PRUNE2: variants seen among roughly 807,000 people sequenced by gnomAD.
PRUNE2 encodes the protein protein prune homolog 2.
PRUNE2 carries 164 observed loss-of-function variants against 252.0 expected under a neutral mutation model. That is an observed-to-expected ratio of 0.65 (90% confidence interval 0.57 to 0.74). PRUNE2 has a LOEUF of 0.74. PRUNE2 is among the 30% of genes least tolerant of loss of function. The pLI is 0.00. For synonymous variants in PRUNE2, 1,292 were observed against 1,350.2 expected, an observed-to-expected ratio of 0.96 and a Z score of 0.94; for missense variants, 3,495 against 3,711.0, an observed-to-expected ratio of 0.94 and a Z score of 1.51.
At chr9:76,853,647 C>T (rs1186318532) in intron 2 of PRUNE2, among the ~76,000 whole-genome samples, 1 of 152,182 alleles carries the variant, frequency 6.6e-6, no homozygotes, top group Non-Finnish European at 1.5e-5. Flanking sequence ...ACATGTAATA[C>T]TCGTCACTGA....
chr9:76,706,140 C>G lies in PRUNE2; in HGVS notation c.6134G>C (p.Arg2045Pro). 6.2e-7 allele frequency: 1 copy of G among 1,613,954 alleles called. No individual in the cohort carries two copies. Among genetic ancestry groups the G allele is most frequent in the Non-Finnish European group, 8.5e-7 (1 of 1,179,868 alleles). Residue 2045 changes from arginine (R) to proline (P), a missense_variant, in exon 8 of 19, where the codon CGA becomes CCA. Transcript: ENST00000376718. ...TAAAATATCTGGCACAAAGGTACCT[C>G]GGGAGTCCTCACTTGGGGTAGAGCC... Reference protein sequence around the residue: ...WDGSTPSEDSRGTFVPDILHG... With the variant: ...WDGSTPSEDSPGTFVPDILHG...
chr9:76,797,038 T>TAC (rs1554774313), intron 6 of PRUNE2, among the ~76,000 whole-genome samples: 20 of 151,758 alleles, frequency 1.3e-4, no homozygotes, highest in African/African-American at 2.4e-4. Context: ...CACTCACACA[T>TAC]ACACACACAC....
chr9:76,680,101 A>G (rs2043256212), intron 9 of PRUNE2, among the ~76,000 whole-genome samples: 2 of 152,230 alleles, frequency 1.3e-5, no homozygotes, highest in Non-Finnish European at 2.9e-5. Flanking sequence ...TGCAAGTCAT[A>G]TATCTGATAA....
chr9:76,879,822 C>T (rs890713425), intron 1 of PRUNE2, among the ~76,000 whole-genome samples: 2 of 145,018 alleles, frequency 1.4e-5, no homozygotes, highest in Admixed American at 6.9e-5. Flanking sequence ...TAACACAAGG[C>T]CCCGTTTTTT....
At chr9:76,829,163 G>GA (rs376425009) in intron 4 of PRUNE2, among the ~76,000 whole-genome samples, 234 of 152,192 alleles carry the variant, frequency 1.5e-3, no homozygotes, top group African/African-American at 5.5e-3. Flanking sequence ...AAAAATCTGT[G>GA]AAAGTATCAC....
Position 76,855,865 on chromosome 9 carries a change from T to C in PRUNE2, c.37-1657A>G, listed in dbSNP as rs567973811. ...CTACACTCATAAATTTATAGTTGGC[T>C]CACTTGGCTAAATGTGCTTTAAGGG... is the stretch of plus-strand genomic sequence containing the variant. On this transcript the variant is annotated intron_variant, in intron 1 of 18. Coordinates refer to ENST00000376718, the MANE Select transcript of PRUNE2 (RefSeq NM_015225.3). 1.1e-4 allele frequency among the ~76,000 whole-genome samples: 17 copies of C among 152,324 alleles called. No individual in the cohort carries two copies. In the South Asian group the frequency reaches 2.7e-3, roughly 24 times the overall value.
At chr9:76,763,266 T>C (rs1300488866) in intron 6 of PRUNE2, among the ~76,000 whole-genome samples, 2 of 152,206 alleles carry the variant, frequency 1.3e-5, no homozygotes, top group South Asian at 2.1e-4. Context: ...AATGGGATCA[T>C]AGCAGGACTA....
Position 76,707,288 on chromosome 9 carries a change from C to T in PRUNE2, c.4986G>A (p.Gln1662=), listed in dbSNP as rs531131290. Residue 1662 remains glutamine, a synonymous_variant, in exon 8 of 19, where the codon CAG becomes CAA. Coordinates refer to ENST00000376718, the MANE Select transcript of PRUNE2 (RefSeq NM_015225.3). ...HQESNLIASY[Q]EKNEHDISAT... Reference sequence around the variant, plus strand: ...CAGAAATGTCATGTTCATTTTTCTCCTGGTAGCTAGCAATTAGATTGCTTT... The same window carrying T: ...CAGAAATGTCATGTTCATTTTTCTCTTGGTAGCTAGCAATTAGATTGCTTT... The T allele has an allele frequency of 6.2e-7, 1 of 1,613,934 alleles. No individual in the cohort carries two copies.
At chr9:76,772,833 C>T (rs944197100) in intron 6 of PRUNE2, among the ~76,000 whole-genome samples, 1 of 152,050 alleles carries the variant, frequency 6.6e-6, no homozygotes, top group African/African-American at 2.4e-5. Flanking sequence ...CACAGTGCTG[C>T]GATTAACAGG....
intron 9 of PRUNE2, among the ~76,000 whole-genome samples, chr9:76,673,062 A>T (rs1442828291): frequency 1.3e-5 from 2 of 151,962 alleles, no homozygotes; most frequent in Admixed American, 1.3e-4. Context: ...TCAGAGCAGA[A>T]CTGAAGGAAA....
intron 15 of PRUNE2, among the ~76,000 whole-genome samples, chr9:76,630,792 C>T (rs7866970): frequency 0.018 from 2,743 of 152,354 alleles, 36 homozygotes; most frequent in African/African-American, 0.029. Context: ...TCCCAAAGTG[C>T]TGGGATTACA....
At chr9:76,679,850 T>A (rs994078716) in intron 9 of PRUNE2, among the ~76,000 whole-genome samples, 2 of 152,156 alleles carry the variant, frequency 1.3e-5, no homozygotes, top group Non-Finnish European at 2.9e-5. Flanking sequence ...TTATGCAATA[T>A]ACCAAAATTG....
chr9:76,769,047 C>T (rs2052782775), intron 6 of PRUNE2, among the ~76,000 whole-genome samples: 1 of 152,138 alleles, frequency 6.6e-6, no homozygotes, highest in Non-Finnish European at 1.5e-5. Context: ...TAGAATCTTT[C>T]ATTATGGTAC....
chr9:76,741,613 C>A (rs2135566732), intron 6 of PRUNE2, among the ~76,000 whole-genome samples: 1 of 152,324 alleles, frequency 6.6e-6, no homozygotes, highest in African/African-American at 2.4e-5. Context: ...AGGTAACTCA[C>A]ATACCTCACA....
chr9:76,615,078 C>T, intron 18 of PRUNE2: 1 of 986,704 alleles, frequency 1.0e-6, no homozygotes, highest in Non-Finnish European at 1.2e-6. Context: ...AAGGAATTGA[C>T]TGAAAGGGGT....
At chr9:76,623,544 C>T (rs187715271) in intron 17 of PRUNE2, among the ~76,000 whole-genome samples, 14 of 152,258 alleles carry the variant, frequency 9.2e-5, no homozygotes, top group South Asian at 2.1e-4. Flanking sequence ...CCACCCATCT[C>T]GGCCTCCCAA....
chr9:76,848,399 A>G (rs934977873), intron 3 of PRUNE2, among the ~76,000 whole-genome samples: 4 of 152,260 alleles, frequency 2.6e-5, no homozygotes, highest in South Asian at 2.1e-4. Context: ...ATATTATTCA[A>G]AAAAATTTCA....
intron 1 of PRUNE2, among the ~76,000 whole-genome samples, chr9:76,871,512 G>C (rs754658595): frequency 3.3e-5 from 5 of 152,200 alleles, no homozygotes; most frequent in Non-Finnish European, 7.3e-5. Flanking sequence ...TAGTGCTTTG[G>C]TAATCCTGGG....
At chr9:76,785,335 G>A (rs2131297155) in intron 6 of PRUNE2, 1 of 152,300 alleles carries the variant, frequency 6.6e-6, no homozygotes. Context: ...TACTAAAAGT[G>A]TAATTTGATT....
Sources: allele counts gnomAD v4.1 joint callset (sites outside exome capture counted in the v4.1 genomes callset), GRCh38; gene constraint gnomAD v4.1.1; transcripts MANE v1.5; gene names NCBI Gene and HGNC (gene_info 2026-07-23, HGNC 2026-07-21).